Variants in PDE10A observed in about 807,000 individuals in gnomAD.
PDE10A encodes the protein phosphodiesterase 10A, also known as cAMP and cAMP-inhibited cGMP 3',5'-cyclic phosphodiesterase 10A.
In PDE10A, 39 loss-of-function variants were observed where a neutral mutation model predicts 97.7. The observed-to-expected ratio is 0.40, with a 90% CI of 0.31 to 0.52. The LOEUF is 0.52. Ranked by LOEUF, PDE10A falls within the 20% of genes least tolerant of loss-of-function variation. The probability of loss-of-function intolerance (pLI) is 0.56; values close to 1 mark genes in which losing one functional copy is unlikely to be tolerated. For missense variants in PDE10A, 731 were observed against 1,047.8 expected (o/e 0.70, Z 4.17); for synonymous variants, 371 against 376.8 (o/e 0.98, Z 0.18).
At chr6:165,810,777 T>G (rs894789002) in intron 1 of PDE10A, among the ~76,000 whole-genome samples, 14 of 152,136 alleles carry the variant, frequency 9.2e-5, no homozygotes, top group African/African-American at 3.4e-4. Context: ...TTCCCTGTTT[T>G]TGTTGGGCTT....
intron 3 of PDE10A, among the ~76,000 whole-genome samples, chr6:165,462,020 G>A (rs1162114139): frequency 6.6e-6 from 1 of 152,192 alleles, no homozygotes; most frequent in African/African-American, 2.4e-5. Flanking sequence ...TGGGCTACAG[G>A]CCAATCAGGA....
At position 165,435,300 on chromosome 6, in the gene PDE10A, G is replaced by A. The variant is rs774428902; in HGVS notation, c.1272C>T (p.Gly424=). 9 of 1,613,876 alleles carry A rather than the reference G, an allele frequency of 5.6e-6. No homozygotes were observed. The highest frequency in any genetic ancestry group is 5.5e-5 in the South Asian group (5 of 91,064). ...RLIPAGPITQ[G]TTVSAYVAKS... is the part of the protein sequence containing the mutation. ...TGGCCACATAAGCAGAGACGGTGGTGCCCTGAGTGATGGGCCCAGCAGGGA... is the reference window on the plus strand; with the variant it reads ...TGGCCACATAAGCAGAGACGGTGGTACCCTGAGTGATGGGCCCAGCAGGGA... The change falls in exon 6 of 22, where the codon GGC becomes GGT. Residue 424 remains glycine, a synonymous_variant. Transcript: ENST00000539869.
At chr6:165,382,356 C>T (rs903446169) in intron 17 of PDE10A, among the ~76,000 whole-genome samples, 4 of 152,106 alleles carry the variant, frequency 2.6e-5, no homozygotes, top group Admixed American at 1.3e-4. Context: ...AAAATGTCAA[C>T]GATGCAACTA....
intron 1 of PDE10A, among the ~76,000 whole-genome samples, chr6:165,647,356 A>G (rs1160325979): frequency 1.3e-5 from 2 of 152,226 alleles, no homozygotes; most frequent in African/African-American, 2.4e-5. Flanking sequence ...GAGACCCAAC[A>G]GCATCGTTCT....
At chr6:165,978,157 T>C (rs563428258) in intron 1 of PDE10A, among the ~76,000 whole-genome samples, 4 of 152,210 alleles carry the variant, frequency 2.6e-5, no homozygotes, top group Non-Finnish European at 4.4e-5. Context: ...TGTTTATTTA[T>C]GTTAAAATCC....
intron 1 of PDE10A, among the ~76,000 whole-genome samples, chr6:165,701,266 C>T (rs186156950): frequency 1.3e-4 from 20 of 152,318 alleles, no homozygotes; most frequent in Admixed American, 9.8e-4. Flanking sequence ...AACCATCTGA[C>T]GGTCTTGGGT....
chr6:165,370,500 A>C (rs1784159642), intron 18 of PDE10A, among the ~76,000 whole-genome samples: 2 of 149,072 alleles, frequency 1.3e-5, no homozygotes, highest in African/African-American at 5.0e-5. Context: ...ACATAATGGT[A>C]AAGGGATCAA....
chr6:165,870,701 T>C (rs1283677179), intron 1 of PDE10A, among the ~76,000 whole-genome samples: 3 of 152,128 alleles, frequency 2.0e-5, no homozygotes. Flanking sequence ...ATGGAATCAA[T>C]ATAAGTGCCC....
rs117178953 is a variant in PDE10A, at chr6:165,655,905, C to T, written c.865+6042G>A. Among the ~76,000 whole-genome samples, 4,226 of 152,138 alleles carry T rather than the reference C, an allele frequency of 0.028. 66 individuals are homozygous for T. Among genetic ancestry groups the T allele is most frequent in the African/African-American group, 0.039 (1,609 of 41,512 alleles). On this transcript the variant is annotated intron_variant, in intron 1 of 21. Transcript: ENST00000539869. This position sits in a 1 kb window ranked among gnomAD's most constrained non-coding sequence, Gnocchi z 4.5. ...TTGTGAGCCCCCTCTGCCTAGGGTG[C>T]TTTTCCCCAGATAACTGCATGGCCG...
At chr6:165,600,920 A>G (rs561635081) in intron 1 of PDE10A, among the ~76,000 whole-genome samples, 1 of 152,306 alleles carries the variant, frequency 6.6e-6, no homozygotes, top group South Asian at 2.1e-4. Context: ...TTCTTTAAAC[A>G]TATCTGATGT....
Position 165,332,974 on chromosome 6 carries a change from G to T in PDE10A, c.*51C>A. 28 of 734,978 alleles carry T rather than the reference G, an allele frequency of 3.8e-5. No homozygotes were observed. Among genetic ancestry groups the T allele is most frequent in the Non-Finnish European group, 6.2e-5 (26 of 420,704 alleles). 45.5% of individuals were successfully genotyped at this position (734,978 alleles called of 1,614,324 possible). On this transcript the variant is annotated 3_prime_UTR_variant, in exon 22 of 22. Coordinates refer to ENST00000539869, the MANE Select transcript of PDE10A (RefSeq NM_001385079.1). ...CCAAAAAAAGGAAAAGAATGTCAAAGAAGCAAGATGAGGATCTGTAGGTGG... is the reference window on the plus strand; with the variant it reads ...CCAAAAAAAGGAAAAGAATGTCAAATAAGCAAGATGAGGATCTGTAGGTGG...
chr6:165,654,051 T>G (rs901844579), intron 1 of PDE10A, among the ~76,000 whole-genome samples: 6 of 152,192 alleles, frequency 3.9e-5, no homozygotes, highest in Admixed American at 2.0e-4. Context: ...CCACCCCAAT[T>G]GGACTCTACT....
chr6:165,398,151 A>G (rs1786323977), intron 13 of PDE10A, among the ~76,000 whole-genome samples: 1 of 152,158 alleles, frequency 6.6e-6, no homozygotes, highest in Non-Finnish European at 1.5e-5. Flanking sequence ...CAGTATTTAG[A>G]TTTTCAGTTA....
chr6:165,481,651 T>C (rs533104601), intron 3 of PDE10A, among the ~76,000 whole-genome samples: 29 of 152,330 alleles, frequency 1.9e-4, no homozygotes, highest in Admixed American at 1.2e-3. Flanking sequence ...TTTTTCCAAA[T>C]GTAATTAATC....
intron 1 of PDE10A, among the ~76,000 whole-genome samples, chr6:165,695,776 T>C (rs1386407384): frequency 1.3e-5 from 2 of 152,174 alleles, no homozygotes; most frequent in Non-Finnish European, 2.9e-5. Context: ...GTAGGCTCGC[T>C]AGTGCACAAG....
rs887065138 is a variant in PDE10A, at chr6:165,329,235, C to T, written c.*3790G>A. On this transcript the variant is annotated 3_prime_UTR_variant, in exon 22 of 22. Coordinates refer to ENST00000539869, the MANE Select transcript of PDE10A (RefSeq NM_001385079.1). ...TGTCACAGTTCTCTGAAGTTCTTGC[C>T]GAAAAGACTGACTCTGAACAGTTCA... is the stretch of plus-strand genomic sequence containing the variant. 6.6e-6 allele frequency: 1 copy of T among 152,042 alleles called. No individual in the cohort carries two copies. The highest frequency in any genetic ancestry group is 2.4e-5 in the African/African-American group (1 of 41,402). The allele number at this position is 152,042 out of a possible 1,614,324, so 9.4% of individuals were successfully genotyped here. A position where few individuals can be genotyped will look rare whatever the true frequency, so the allele number is the denominator to read the frequency against.
At chr6:165,897,022 C>T (rs1273947629) in intron 1 of PDE10A, among the ~76,000 whole-genome samples, 1 of 152,142 alleles carries the variant, frequency 6.6e-6, no homozygotes, top group Non-Finnish European at 1.5e-5. Flanking sequence ...ATAGAGGAGA[C>T]AGCTAACAAC....
At chr6:165,462,465 T>G (rs1412860014) in intron 3 of PDE10A, among the ~76,000 whole-genome samples, 1 of 152,134 alleles carries the variant, frequency 6.6e-6, no homozygotes, top group Non-Finnish European at 1.5e-5. Context: ...GGGTAAAGGT[T>G]ATGCTTGTGC....
At chr6:165,481,333 AC>A (rs1237806922) in intron 3 of PDE10A, among the ~76,000 whole-genome samples, 1 of 152,138 alleles carries the variant, frequency 6.6e-6, no homozygotes, top group East Asian at 1.9e-4. Context: ...ACCCAGTGAA[AC>A]CCTGAGACTC....
Sources: gnomAD v4.1 joint callset for allele counts (sites outside exome capture counted in the v4.1 genomes callset) on GRCh38, gnomAD v4.1.1 for gene constraint, Gnocchi (gnomAD v3.1) non-coding constraint, MANE v1.5 for transcripts, NCBI Gene and HGNC (gene_info 2026-07-23, HGNC 2026-07-21) for gene names.